ZNF567: variants seen among roughly 807,000 people sequenced by gnomAD.
ZNF567 encodes the protein zinc finger protein 567.
ZNF567 carries 36 observed loss-of-function variants against 53.9 expected under a neutral mutation model. That is an observed-to-expected ratio of 0.67 (90% CI 0.51 to 0.88). The LOEUF (loss-of-function observed/expected upper bound fraction) is 0.88, where lower values mean the gene tolerates loss of function less well. Among genes scored for constraint, ZNF567 ranks in the 40% least tolerant of loss-of-function variants. The probability of loss-of-function intolerance (pLI) is 0.00; values close to 1 mark genes in which losing one functional copy is unlikely to be tolerated. For synonymous variants in ZNF567, 224 were observed against 260.4 expected (o/e 0.86, Z 1.35); for missense variants, 619 against 764.7 (o/e 0.81, Z 2.25).
chr19:36,714,867 A>G (rs1239745254), intron 5 of ZNF567, among the ~76,000 whole-genome samples: 1 of 152,208 alleles, frequency 6.6e-6, no homozygotes, highest in East Asian at 1.9e-4. Flanking sequence ...TAGTCATAAC[A>G]GATTTTATTT....
chr19:36,677,167 A>G, the ZNF567 span, among the ~76,000 whole-genome samples: 1 of 141,350 alleles, frequency 7.1e-6, no homozygotes, highest in Non-Finnish European at 1.5e-5. Context: ...AAAAAAAAAA[A>G]AAAAAAAAAA....
In ZNF567 at chr19:36,719,408, T is replaced by C. The variant is rs1568717187; in HGVS notation, c.684T>C (p.His228=). ...SFLQRGGLIT[H]SRPYKGENPS... is the part of the protein sequence containing the mutation. Reference sequence around the variant, plus strand: ...TTCAAAGGGGAGGCCTGATTACACATAGTAGACCTTACAAAGGAGAAAACC... The same window carrying C: ...TTCAAAGGGGAGGCCTGATTACACACAGTAGACCTTACAAAGGAGAAAACC... Residue 228 remains histidine (H), a synonymous_variant, in exon 6 of 6, where the codon CAT becomes CAC. Coordinates refer to ENST00000682579, the MANE Select transcript of ZNF567 (RefSeq NM_001322917.1). 3 of 1,613,438 alleles carry C rather than the reference T, an allele frequency of 1.9e-6. No individual in the cohort carries two copies. The highest frequency in any genetic ancestry group is 2.2e-5 in the East Asian group (1 of 44,844).
intron 3 of ZNF567, among the ~76,000 whole-genome samples, chr19:36,709,960 T>G (rs1288638165): frequency 2.6e-5 from 4 of 152,248 alleles, no homozygotes; most frequent in African/African-American, 9.6e-5. Flanking sequence ...TTAAACTCCT[T>G]GAATATGTAA....
upstream of ZNF567, among the ~76,000 whole-genome samples, chr19:36,682,930 G>A (rs2038209074): frequency 6.6e-6 from 1 of 151,670 alleles, no homozygotes; most frequent in African/African-American, 2.4e-5. Flanking sequence ...TAAAAAGCCA[G>A]CACGCTATAA....
intron 3 of ZNF567, among the ~76,000 whole-genome samples, chr19:36,709,404 A>C (rs2039660496): frequency 6.6e-6 from 1 of 152,124 alleles, no homozygotes; most frequent in African/African-American, 2.4e-5. Flanking sequence ...ATACTCTTAC[A>C]ATTTTTCTTA....
At chr19:36,676,500 C>CTA in the ZNF567 span, among the ~76,000 whole-genome samples, 1 of 152,052 alleles carries the variant, frequency 6.6e-6, no homozygotes, top group South Asian at 2.1e-4. Context: ...TGCCCAGCTG[C>CTA]TATGTATACC....
the ZNF567 span, among the ~76,000 whole-genome samples, chr19:36,667,493 C>T: frequency 6.6e-6 from 1 of 151,886 alleles, no homozygotes; most frequent in African/African-American, 2.4e-5. Context: ...CAGAGCAACT[C>T]CTTCTCAAAC....
chr19:36,687,336 T>C (rs1186520504), upstream of ZNF567: 1 of 152,638 alleles, frequency 6.6e-6, no homozygotes, highest in Non-Finnish European at 1.5e-5. Context: ...CACAGGTGCA[T>C]ACACAGGCCC....
At chr19:36,711,033 T>A (rs767781218) in intron 3 of ZNF567, among the ~76,000 whole-genome samples, 1 of 152,116 alleles carries the variant, frequency 6.6e-6, no homozygotes, top group Non-Finnish European at 1.5e-5. Context: ...TGTAGTTCCC[T>A]CACTTCCAGA....
At chr19:36,701,651 G>C (rs2039192345) in intron 3 of ZNF567, among the ~76,000 whole-genome samples, 1 of 150,740 alleles carries the variant, frequency 6.6e-6, no homozygotes, top group Non-Finnish European at 1.5e-5. Flanking sequence ...AGCTCTTCTT[G>C]TTGAATTGAT....
At chr19:36,710,364 C>T (rs1189866448) in intron 3 of ZNF567, among the ~76,000 whole-genome samples, 2 of 139,886 alleles carry the variant, frequency 1.4e-5, no homozygotes, top group Non-Finnish European at 3.0e-5. Flanking sequence ...TTTGTGACTA[C>T]AGGTTTTATT....
downstream of ZNF567, among the ~76,000 whole-genome samples, chr19:36,722,247 C>A (rs1600591283): frequency 1.3e-5 from 2 of 152,126 alleles, no homozygotes; most frequent in Admixed American, 6.5e-5. Flanking sequence ...TTACTTATAA[C>A]CAGTATTTAC....
intron 3 of ZNF567, 51 bp from the exon 4 acceptor site, chr19:36,712,335 A>T: frequency 6.3e-7 from 1 of 1,581,778 alleles, no homozygotes; most frequent in Non-Finnish European, 8.6e-7. Context: ...GGCATGAACC[A>T]CTGTACCTGG....
intron 2 of ZNF567, among the ~76,000 whole-genome samples, chr19:36,692,337 G>A (rs1179488537): frequency 2.0e-5 from 3 of 152,152 alleles, no homozygotes; most frequent in African/African-American, 2.4e-5. Context: ...ATATCTGAAA[G>A]AAGTTGGTGC....
intron 5 of ZNF567, among the ~76,000 whole-genome samples, chr19:36,718,498 C>CA (rs67937730): frequency 0.092 from 13,819 of 150,198 alleles, 679 homozygotes; most frequent in African/African-American, 0.14. Flanking sequence ...GACTTTGTCT[C>CA]AAAAAAAAAT....
At chr19:36,713,509 T>C (rs1230100455) in intron 5 of ZNF567, among the ~76,000 whole-genome samples, 3 of 149,588 alleles carry the variant, frequency 2.0e-5, no homozygotes, top group East Asian at 2.0e-4. Flanking sequence ...ACTCAGAAGG[T>C]TGAGGTAGGA....
At chr19:36,684,048 A>T (rs1421064961), upstream of ZNF567, among the ~76,000 whole-genome samples, 1 of 152,234 alleles carries the variant, frequency 6.6e-6, no homozygotes, top group Admixed American at 6.5e-5. Flanking sequence ...GAAAAGGCAT[A>T]TGCAGTAAAA....
the ZNF567 span, among the ~76,000 whole-genome samples, chr19:36,670,764 G>C: frequency 1.3e-5 from 2 of 152,202 alleles, no homozygotes; most frequent in South Asian, 4.2e-4. Flanking sequence ...GACACATATC[G>C]TAAGTTAGTT....
chr19:36,682,439 G>C, the ZNF567 span, among the ~76,000 whole-genome samples: 1 of 151,618 alleles, frequency 6.6e-6, no homozygotes, highest in African/African-American at 2.4e-5. Context: ...CCTATATGAA[G>C]TTCAAAACCA....
Sources: allele counts gnomAD v4.1 joint callset (sites outside exome capture counted in the v4.1 genomes callset), GRCh38; gene constraint gnomAD v4.1.1; transcripts MANE v1.5; gene names NCBI Gene and HGNC (gene_info 2026-07-23, HGNC 2026-07-21).